Variants in SPSB1 observed in about 807,000 individuals in gnomAD.
The protein encoded by SPSB1 is SPRY domain-containing SOCS box protein 1.
In SPSB1, 8 loss-of-function variants were observed where a neutral mutation model predicts 21.2. The observed-to-expected ratio is 0.38, with a 90% CI of 0.22 to 0.68. The LOEUF (loss-of-function observed/expected upper bound fraction) is 0.68, where lower values mean the gene tolerates loss of function less well. SPSB1 is among the 30% of genes least tolerant of loss of function. SPSB1 has a pLI of 0.53. For synonymous variants in SPSB1, 169 were observed against 161.7 expected (o/e 1.05, Z -0.34); for missense variants, 242 against 377.8 (o/e 0.64, Z 2.98).
intron 1 of SPSB1, among the ~76,000 whole-genome samples, chr1:9,338,879 G>T (rs370695170): frequency 1.2e-4 from 18 of 152,234 alleles, no homozygotes; most frequent in African/African-American, 4.3e-4. Context: ...CTTGGGGAGG[G>T]TGCAGCAGCC....
chr1:9,299,572 C>T (rs1048947007), intron 1 of SPSB1, among the ~76,000 whole-genome samples: 1 of 151,152 alleles, frequency 6.6e-6, no homozygotes, highest in East Asian at 1.9e-4. Context: ...CTCCGCCTCC[C>T]GGGTTCAAGC....
chr1:9,299,843 G>T (rs1232348808), intron 1 of SPSB1, among the ~76,000 whole-genome samples: 1 of 151,044 alleles, frequency 6.6e-6, no homozygotes, highest in Non-Finnish European at 1.5e-5. Context: ...TGTGCCTGTG[G>T]TCCCAGCTAC....
At chr1:9,352,104 G>A (rs1640269297) in intron 1 of SPSB1, among the ~76,000 whole-genome samples, 1 of 152,204 alleles carries the variant, frequency 6.6e-6, no homozygotes, top group Admixed American at 6.5e-5. Context: ...GGTGGGTGGA[G>A]GTGGAGGGGT....
intron 2 of SPSB1, among the ~76,000 whole-genome samples, chr1:9,362,082 G>A (rs183125731): frequency 2.3e-4 from 35 of 152,322 alleles, no homozygotes; most frequent in Admixed American, 6.5e-4. Flanking sequence ...CAAGATCAGA[G>A]CCTCCTCCCG....
intron 2 of SPSB1, among the ~76,000 whole-genome samples, chr1:9,366,811 T>C (rs1170596596): frequency 6.6e-6 from 1 of 152,220 alleles, no homozygotes; most frequent in Non-Finnish European, 1.5e-5. Context: ...TGGCCTCAAA[T>C]GATCCACCCA....
At chr1:9,360,365 G>A (rs1640448869) in intron 2 of SPSB1, among the ~76,000 whole-genome samples, 1 of 152,218 alleles carries the variant, frequency 6.6e-6, no homozygotes, top group Admixed American at 6.5e-5. Flanking sequence ...ACCTTGAGGA[G>A]AGTCACTTGG....
At chr1:9,325,760 C>T (rs1052479433) in intron 1 of SPSB1, among the ~76,000 whole-genome samples, 4 of 152,272 alleles carry the variant, frequency 2.6e-5, no homozygotes, top group African/African-American at 9.6e-5. Flanking sequence ...GGGCAAAGGA[C>T]GTTTGCCATT....
chr1:9,315,684 A>G (rs1639601773), intron 1 of SPSB1, among the ~76,000 whole-genome samples: 1 of 152,220 alleles, frequency 6.6e-6, no homozygotes, highest in Admixed American at 6.5e-5. Context: ...CTACTAGGGC[A>G]TCACGTGCAG....
At chr1:9,362,297 G>C (rs187072042) in intron 2 of SPSB1, among the ~76,000 whole-genome samples, 62 of 152,310 alleles carry the variant, frequency 4.1e-4, no homozygotes, top group African/African-American at 1.3e-3. Flanking sequence ...TCAGAGTTTG[G>C]GGGGGATAGG....
intron 1 of SPSB1, among the ~76,000 whole-genome samples, chr1:9,333,576 C>A (rs1216477017): frequency 6.6e-6 from 1 of 152,130 alleles, no homozygotes; most frequent in Non-Finnish European, 1.5e-5. Context: ...GGTGATCCGC[C>A]CACCTCGGCC....
intron 1 of SPSB1, among the ~76,000 whole-genome samples, chr1:9,342,134 G>A (rs994618463): frequency 7.9e-5 from 12 of 152,206 alleles, no homozygotes; most frequent in African/African-American, 1.9e-4. Flanking sequence ...GTGAGCAAGC[G>A]ACTCAGAGCA....
chr1:9,332,341 A>G (rs1175809648), intron 1 of SPSB1, among the ~76,000 whole-genome samples: 1 of 152,192 alleles, frequency 6.6e-6, no homozygotes, highest in African/African-American at 2.4e-5. Context: ...GGGGGCAGCA[A>G]TTTACAATGT....
At chr1:9,322,750 G>A (rs763494618) in intron 1 of SPSB1, among the ~76,000 whole-genome samples, 30 of 152,332 alleles carry the variant, frequency 2.0e-4, no homozygotes, top group Admixed American at 3.9e-4. Flanking sequence ...GTGTCGGAGA[G>A]GGATGTTGAC....
rs1248132628 is a variant in SPSB1, at chr1:9,317,214, T to C, written c.-150+24143T>C. 1.3e-5 allele frequency among the ~76,000 whole-genome samples: 2 copies of C among 152,044 alleles called. No individual in the cohort carries two copies. The highest frequency in any genetic ancestry group is 2.9e-5 in the Non-Finnish European group (2 of 67,996). On this transcript the variant is annotated intron_variant, in intron 1 of 2. Coordinates refer to ENST00000328089, the MANE Select transcript of SPSB1 (RefSeq NM_025106.4). The surrounding 1 kb of genome is among the most constrained non-coding windows in gnomAD (Gnocchi z 4.3). ...AGCAGGTGAATCTGGGAAGGCTTCC[T>C]GGAGGAGGTGATGCTGAAACTGGGC... is the stretch of plus-strand genomic sequence containing the variant.
intron 1 of SPSB1, among the ~76,000 whole-genome samples, chr1:9,350,921 G>A (rs1640245714): frequency 6.6e-6 from 1 of 152,238 alleles, no homozygotes; most frequent in Non-Finnish European, 1.5e-5. Context: ...AGTGCCCGGT[G>A]CTGGATGCCC....
At chr1:9,320,466 C>G (rs758899224) in intron 1 of SPSB1, among the ~76,000 whole-genome samples, 7 of 152,166 alleles carry the variant, frequency 4.6e-5, no homozygotes, top group Non-Finnish European at 7.3e-5. Flanking sequence ...GGAGGCCTCT[C>G]GAGGGCTGGG....
rs146941049 is a variant in SPSB1, at chr1:9,300,369, G to C, written c.-150+7298G>C. ...GGGCCCGTAGCAGAAGACTGCAACA[G>C]GTCCAGGTTGCTGTGCAACCTGCTT... On this transcript the variant is annotated intron_variant, in intron 1 of 2. Coordinates refer to ENST00000328089, the MANE Select transcript of SPSB1 (RefSeq NM_025106.4). 4.9e-4 allele frequency among the ~76,000 whole-genome samples: 74 copies of C among 152,330 alleles called. 2 individuals are homozygous for C. The highest frequency in any genetic ancestry group is 9.0e-4 in the Non-Finnish European group (61 of 68,036).
chr1:9,364,235 G>C (rs747771989), intron 2 of SPSB1, among the ~76,000 whole-genome samples: 1 of 152,206 alleles, frequency 6.6e-6, no homozygotes, highest in Non-Finnish European at 1.5e-5. Context: ...CCTTGGCCCT[G>C]ATGCAGGCCA....
chr1:9,357,267 A>AGATG (rs149634344), intron 2 of SPSB1, among the ~76,000 whole-genome samples: 1 of 143,876 alleles, frequency 7.0e-6, no homozygotes, highest in African/African-American at 2.6e-5. Flanking sequence ...ATGAGTGGGT[A>AGATG]GATGGATGGA....
Sources: gnomAD v4.1 joint callset for allele counts (sites outside exome capture counted in the v4.1 genomes callset) on GRCh38, gnomAD v4.1.1 for gene constraint, Gnocchi (gnomAD v3.1) non-coding constraint, MANE v1.5 for transcripts, NCBI Gene and HGNC (gene_info 2026-07-23, HGNC 2026-07-21) for gene names.